The following RXFP1 variants were observed in gnomAD, a reference collection of about 807,000 sequenced individuals.
RXFP1 encodes the protein relaxin family peptide receptor 1.
In RXFP1, 73 loss-of-function variants were observed where a neutral mutation model predicts 89.8. The ratio of observed to expected loss-of-function variants is 0.81; its 90% CI spans 0.67 to 0.99. RXFP1 has a LOEUF of 0.99. Ranked by LOEUF, RXFP1 falls within the 50% of genes least tolerant of loss-of-function variation. The pLI, the probability that RXFP1 is intolerant of heterozygous loss-of-function variation, is 0.00. For missense variants in RXFP1, 793 were observed against 895.5 expected (o/e 0.89, Z 1.46); for synonymous variants, 277 against 305.5 (o/e 0.91, Z 0.97).
intron 9 of RXFP1, among the ~76,000 whole-genome samples, chr4:158,617,764 T>G (rs1192008436): frequency 4.6e-5 from 7 of 151,974 alleles, no homozygotes; most frequent in Admixed American, 3.9e-4. Context: ...AAGAAAGAAA[T>G]AACCAAAATA....
In RXFP1 at chr4:158,653,192, T is replaced by A. The variant is rs1047952699; in HGVS notation, c.*1137T>A. On this transcript the variant is annotated 3_prime_UTR_variant, in exon 18 of 18. Coordinates refer to ENST00000307765, the MANE Select transcript of RXFP1 (RefSeq NM_021634.4). ...TCTCTAGTCTCTACGTTATTAGAATTTTTTGCTTTCATAATGTGAAACCTT... is the reference window on the plus strand; with the variant it reads ...TCTCTAGTCTCTACGTTATTAGAATATTTTGCTTTCATAATGTGAAACCTT... The A allele has an allele frequency of 6.6e-6, 1 of 152,214 alleles. No individual in the cohort carries two copies. The highest frequency in any genetic ancestry group is 6.5e-5 in the Admixed American group (1 of 15,282). 9.4% of individuals were successfully genotyped at this position (152,214 alleles called of 1,614,324 possible).
At chr4:158,647,746 G>A (rs575616343) in intron 16 of RXFP1, among the ~76,000 whole-genome samples, 3 of 151,928 alleles carry the variant, frequency 2.0e-5, no homozygotes, top group Admixed American at 1.3e-4. Context: ...GGCCAGGCAC[G>A]GTGGCTCATA....
intron 1 of RXFP1, among the ~76,000 whole-genome samples, chr4:158,570,807 T>G (rs1353730108): frequency 6.6e-6 from 1 of 152,156 alleles, no homozygotes; most frequent in Non-Finnish European, 1.5e-5. Flanking sequence ...AAACCCAAAC[T>G]TCTTCCCTTT....
At position 158,628,515 on chromosome 4, in the gene RXFP1, A is replaced by C. The variant is rs1293726032; in HGVS notation, c.828-123A>C. On this transcript the variant is annotated intron_variant, in intron 10 of 17. Coordinates refer to ENST00000307765, the MANE Select transcript of RXFP1 (RefSeq NM_021634.4). The stretch of plus-strand genomic sequence containing the variant: ...ATTGGATAATTTATACTACTTCAAA[A>C]TGTCTTTATGTGAAAAATGTACTGT... 1.4e-5 allele frequency: 6 copies of C among 427,590 alleles called. No individual in the cohort carries two copies. The East Asian group carries it at 1.8e-4, about 13-fold the overall frequency. The allele number at this position is 427,590 out of a possible 1,614,324, so 26.5% of individuals were successfully genotyped here.
intron 10 of RXFP1, among the ~76,000 whole-genome samples, chr4:158,627,504 G>GGTGTGTGTGTGTGT (rs35872724): frequency 5.5e-4 from 79 of 143,354 alleles, no homozygotes; most frequent in African/African-American, 1.9e-3. Flanking sequence ...TGAGCCTTAG[G>GGTGTGTGTGTGTGT]GTGTGTGTGT....
chr4:158,647,084 T>C lies in RXFP1; in HGVS notation c.1639T>C (p.Leu547=), dbSNP rs1015838638. The C allele has an allele frequency of 4.3e-6, 7 of 1,614,048 alleles. No homozygotes were observed. In the East Asian group the frequency reaches 1.1e-4, roughly 26 times the overall value. The change falls in exon 16 of 18, where the codon TTG becomes CTG. Residue 547 remains leucine, a synonymous_variant. Coordinates refer to ENST00000307765, the MANE Select transcript of RXFP1 (RefSeq NM_021634.4). The stretch of plus-strand genomic sequence containing the variant: ...TGGTTTTATAGTGGCTTTCATTCCA[T>C]TGAGCAATAAGGAATTTTTCAAAAA... ...ITGFIVAFIP[L]SNKEFFKNYY... is the part of the protein sequence containing the mutation.
At chr4:158,604,438 G>T (rs2150108169) in intron 4 of RXFP1, among the ~76,000 whole-genome samples, 1 of 152,094 alleles carries the variant, frequency 6.6e-6, no homozygotes, top group South Asian at 2.1e-4. Context: ...ACATTACATT[G>T]CTGTTCTAAA....
intron 14 of RXFP1, among the ~76,000 whole-genome samples, chr4:158,642,299 T>C (rs1452537329): frequency 6.6e-6 from 1 of 152,198 alleles, no homozygotes; most frequent in East Asian, 1.9e-4. Context: ...TTCTTTATGT[T>C]TAGAATATTC....
chr4:158,523,490 A>C (rs1741684636), intron 1 of RXFP1, among the ~76,000 whole-genome samples: 1 of 152,222 alleles, frequency 6.6e-6, no homozygotes, highest in African/African-American at 2.4e-5. Flanking sequence ...CATGAGCAGA[A>C]AATAATAATG....
At position 158,522,043 on chromosome 4, in the gene RXFP1, C is replaced by A. The variant is rs199549800; in HGVS notation, c.49+18C>A. ...AAAATATTGTAAGTATGCTCAGTAT[C>A]TAATTTTGTATACCTTAGTATTTTG... is the stretch of plus-strand genomic sequence containing the variant. On this transcript the variant is annotated intron_variant, in intron 1 of 17. Coordinates refer to ENST00000307765, the MANE Select transcript of RXFP1 (RefSeq NM_021634.4). The A allele has an allele frequency of 1.5e-5, 22 of 1,468,654 alleles. No individual in the cohort carries two copies. The Middle Eastern group carries it at 5.2e-4, about 35-fold the overall frequency. 91.0% of individuals were successfully genotyped at this position (1,468,654 alleles called of 1,614,324 possible).
At chr4:158,605,921 G>A (rs1479372153) in intron 5 of RXFP1, among the ~76,000 whole-genome samples, 1 of 152,014 alleles carries the variant, frequency 6.6e-6, no homozygotes, top group African/African-American at 2.4e-5. Flanking sequence ...ATATATATCT[G>A]TACATTTTTA....
intron 2 of RXFP1, chr4:158,573,066 TGG>T (rs1237594184): frequency 2.2e-6 from 1 of 446,844 alleles, no homozygotes; most frequent in Non-Finnish European, 3.7e-6. Flanking sequence ...TGGAGTGCAG[TGG>T]CGTGATCTCG....
At chr4:158,646,356 A>G (rs1580326732) in intron 15 of RXFP1, 1 of 560,862 alleles carries the variant, frequency 1.8e-6, no homozygotes. Flanking sequence ...TACTTTCTCC[A>G]AGATTTTATA....
chr4:158,607,534 TA>T (rs1762748030), intron 5 of RXFP1, among the ~76,000 whole-genome samples: 1 of 152,230 alleles, frequency 6.6e-6, no homozygotes, highest in Non-Finnish European at 1.5e-5. Context: ...TAAAGAATTA[TA>T]ACAAGACCCG....
At chr4:158,526,353 C>T (rs868085300) in intron 1 of RXFP1, among the ~76,000 whole-genome samples, 2 of 152,072 alleles carry the variant, frequency 1.3e-5, no homozygotes, top group African/African-American at 4.8e-5. Context: ...TTTTATTAGC[C>T]CCACAACCCC....
Position 158,539,313 on chromosome 4 carries a change from A to G in RXFP1, c.49+17288A>G, listed in dbSNP as rs573200451. Among the ~76,000 whole-genome samples, 6 of 152,282 alleles carry G rather than the reference A, an allele frequency of 3.9e-5. No individual in the cohort carries two copies. In the South Asian group the frequency reaches 1.2e-3, roughly 32 times the overall value. On this transcript the variant is annotated intron_variant, in intron 1 of 17. Coordinates refer to ENST00000307765, the MANE Select transcript of RXFP1 (RefSeq NM_021634.4). Reference sequence around the variant, plus strand: ...ACATGGACACAGGAAGGGGAACATCACACACCGGGGACTATTGTGGAGTGG... The same window carrying G: ...ACATGGACACAGGAAGGGGAACATCGCACACCGGGGACTATTGTGGAGTGG...
Position 158,648,581 on chromosome 4 carries a change from A to G in RXFP1, c.1839A>G (p.Ala613=). ...FYSVHQSAIT[A]TEIRNQVKKE... ...GTGTTCATCAAAGTGCCATAACAGC[A>G]ACTGAAATACGGAATCAAGTTAAAA... The change falls in exon 17 of 18, where the codon GCA becomes GCG. Residue 613 remains alanine, a synonymous_variant. Transcript: ENST00000307765. The G allele has an allele frequency of 6.2e-7, 1 of 1,613,388 alleles. No individual in the cohort carries two copies. The highest frequency in any genetic ancestry group is 8.5e-7 in the Non-Finnish European group (1 of 1,179,514).
At chr4:158,612,802 G>A (rs1763819036) in intron 8 of RXFP1, among the ~76,000 whole-genome samples, 1 of 151,890 alleles carries the variant, frequency 6.6e-6, no homozygotes, top group African/African-American at 2.4e-5. Context: ...GTAGAGACGG[G>A]GTTTCACCAT....
At chr4:158,586,345 T>C (rs1758303351) in intron 2 of RXFP1, among the ~76,000 whole-genome samples, 1 of 152,250 alleles carries the variant, frequency 6.6e-6, no homozygotes. Flanking sequence ...GACTATATCA[T>C]TTTTAGCTGA....
Sources: allele counts gnomAD v4.1 joint callset (sites outside exome capture counted in the v4.1 genomes callset), GRCh38; gene constraint gnomAD v4.1.1; transcripts MANE v1.5; gene names NCBI Gene and HGNC (gene_info 2026-07-23, HGNC 2026-07-21).